Variants in UBR2 observed in about 807,000 individuals in gnomAD.
The protein encoded by UBR2 is E3 ubiquitin-protein ligase UBR2.
UBR2 carries 92 observed loss-of-function variants against 247.9 expected under a neutral mutation model. The ratio of observed to expected loss-of-function variants is 0.37; its 90% CI spans 0.31 to 0.44. UBR2 has a LOEUF of 0.44. Among genes scored for constraint, UBR2 ranks in the 20% least tolerant of loss-of-function variants. UBR2 has a pLI of 1.00. For synonymous variants in UBR2, 672 were observed against 693.5 expected, an observed-to-expected ratio of 0.97 and a Z score of 0.49; for missense variants, 1,613 against 2,112.6, an observed-to-expected ratio of 0.76 and a Z score of 4.64.
At chr6:42,622,373 AG>A (rs1224384825) in intron 11 of UBR2, among the ~76,000 whole-genome samples, 1 of 143,224 alleles carries the variant, frequency 7.0e-6, no homozygotes, top group Non-Finnish European at 1.5e-5. Flanking sequence ...TTTTGGGGGG[AG>A]GGGAGACATT....
At chr6:42,661,258 A>G (rs1426994050) in intron 30 of UBR2, among the ~76,000 whole-genome samples, 2 of 152,118 alleles carry the variant, frequency 1.3e-5, no homozygotes, top group African/African-American at 4.8e-5. Flanking sequence ...ACTGCACTCC[A>G]ATCTGGGCGA....
intron 1 of UBR2, among the ~76,000 whole-genome samples, chr6:42,567,890 A>G (rs1006236269): frequency 3.3e-5 from 5 of 152,056 alleles, no homozygotes; most frequent in Non-Finnish European, 5.9e-5. Flanking sequence ...AAAATAAAAT[A>G]AAATAAATAA....
At chr6:42,653,349 T>C (rs537858206) in intron 25 of UBR2, among the ~76,000 whole-genome samples, 2 of 152,280 alleles carry the variant, frequency 1.3e-5, no homozygotes, top group Admixed American at 6.5e-5. Context: ...TCCCCAAGTA[T>C]TGGGATTACA....
At chr6:42,564,485 C>A in intron 1 of UBR2, 88 bp downstream of exon 1, 1 of 1,443,616 alleles carries the variant, frequency 6.9e-7, no homozygotes, top group South Asian at 1.3e-5. Flanking sequence ...CTGGAGCAGC[C>A]CGACCCAGAC....
intron 4 of UBR2, among the ~76,000 whole-genome samples, chr6:42,601,408 G>A (rs539231040): frequency 9.1e-4 from 138 of 152,200 alleles, no homozygotes; most frequent in Non-Finnish European, 1.6e-3. Flanking sequence ...AAAAAACTTC[G>A]CTGGGCGCGG....
chr6:42,673,850 T>G lies in UBR2; in HGVS notation c.4146T>G (p.Val1382=). Residue 1382 remains valine, a synonymous_variant, in exon 37 of 47, where the codon GTT becomes GTG. Coordinates refer to ENST00000372901, the MANE Select transcript of UBR2 (RefSeq NM_001363705.2). ...CAGCACACTGGACAGTGGCATCAGT[T>G]TCAGTGGTGCAAGGACATTTTTGTA... The part of the protein sequence containing the change: ...FAAAHWTVAS[V]SVVQGHFCKL... The G allele has an allele frequency of 1.9e-6, 3 of 1,614,100 alleles. No individual in the cohort carries two copies. Among genetic ancestry groups the G allele is most frequent in the Non-Finnish European group, 2.5e-6 (3 of 1,179,954 alleles).
chr6:42,581,701 T>C (rs1024301034), intron 2 of UBR2, among the ~76,000 whole-genome samples: 2 of 152,238 alleles, frequency 1.3e-5, no homozygotes, highest in Non-Finnish European at 2.9e-5. Context: ...GTCTGTCAGA[T>C]TTATCCATGA....
Sources: gnomAD v4.1 joint callset for allele counts (sites outside exome capture counted in the v4.1 genomes callset) on GRCh38, gnomAD v4.1.1 for gene constraint, MANE v1.5 for transcripts, NCBI Gene and HGNC (gene_info 2026-07-23, HGNC 2026-07-21) for gene names.